EIF3E: variants seen among roughly 807,000 people sequenced by gnomAD.
EIF3E encodes the protein eukaryotic translation initiation factor 3 subunit E, also known as eIF-3 p48.
A neutral mutation model predicts 59.3 loss-of-function variants in EIF3E; 25 were observed. The ratio of observed to expected loss-of-function variants is 0.42; its 90% CI spans 0.31 to 0.59. The LOEUF (loss-of-function observed/expected upper bound fraction) is 0.59. EIF3E is among the 20% of genes least tolerant of loss of function. The pLI is 0.15. For synonymous variants in EIF3E, 176 were observed against 170.2 expected (o/e 1.03, Z -0.26); for missense variants, 317 against 534.3 (o/e 0.59, Z 4.01).
intron 1 of EIF3E, among the ~76,000 whole-genome samples, chr8:108,246,663 A>C (rs1266606243): frequency 1.3e-5 from 2 of 151,892 alleles, no homozygotes; most frequent in Non-Finnish European, 2.9e-5. Context: ...CTGACTTCCC[A>C]TCCACTTCCT....
At chr8:108,243,624 G>C (rs1451692769) in intron 1 of EIF3E, among the ~76,000 whole-genome samples, 2 of 100,900 alleles carry the variant, frequency 2.0e-5, no homozygotes, top group African/African-American at 8.3e-5. Context: ...GCAAGACTCT[G>C]TCTCAAAAAA....
In EIF3E at chr8:108,229,089, T is replaced by C; in HGVS notation, c.578A>G (p.Lys193Arg). ...DAAMEDLTRL[K>R]ETIDNNSVSS... ...ACTCACATTATTATCTATGGTCTCT[T>C]TTAACCGTGTAAGGTCTTCCATGGC... is the stretch of plus-strand genomic sequence containing the variant. Residue 193 changes from lysine (K) to arginine (R), a missense_variant, in exon 6 of 13, where the codon AAA (lysine) becomes AGA (arginine). This residue lies in a region of EIF3E where 242 missense variants were observed against 398.0 expected (regional missense o/e 0.61). Coordinates refer to ENST00000220849, the MANE Select transcript of EIF3E (RefSeq NM_001568.3). 1 of 1,610,098 alleles carries C rather than the reference T, an allele frequency of 6.2e-7. No individual in the cohort carries two copies. Among genetic ancestry groups the C allele is most frequent in the Non-Finnish European group, 8.5e-7 (1 of 1,178,180 alleles).
At chr8:108,242,054 A>T (rs1343374721) in intron 1 of EIF3E, 141 bp from the exon 2 acceptor site, 5 of 1,291,794 alleles carry the variant, frequency 3.9e-6, no homozygotes, top group Non-Finnish European at 5.2e-6. Flanking sequence ...CCCTCTTGTA[A>T]TAATGGCAAG....
At chr8:108,217,569 CTT>C in intron 7 of EIF3E, 109 bp from the exon 8 acceptor site, 2 of 833,044 alleles carry the variant, frequency 2.4e-6, no homozygotes, top group Non-Finnish European at 1.8e-6. Flanking sequence ...ACTGCAAACA[CTT>C]AAGAATGAGT....
intron 7 of EIF3E, among the ~76,000 whole-genome samples, chr8:108,218,787 T>TC (rs1036785058): frequency 2.1e-5 from 3 of 145,464 alleles, no homozygotes; most frequent in Middle Eastern, 7.1e-3. Flanking sequence ...TATTTCTTTT[T>TC]TTTTTTTTTT....
intron 5 of EIF3E, 104 bp downstream of exon 5, chr8:108,234,894 C>A: frequency 5.0e-6 from 3 of 600,938 alleles, no homozygotes. Context: ...CTGTTGAAAA[C>A]TTAATGAACA....
intron 5 of EIF3E, 174 bp from the exon 6 acceptor site, chr8:108,229,369 GC>G: frequency 1.8e-6 from 1 of 540,776 alleles, no homozygotes; most frequent in Middle Eastern, 3.6e-4. Context: ...AAAAACCTTT[GC>G]TAAAAATACT....
intron 9 of EIF3E, 82 bp from the exon 10 acceptor site, chr8:108,214,798 T>C: frequency 8.2e-7 from 1 of 1,221,588 alleles, no homozygotes; most frequent in Non-Finnish European, 1.2e-6. Flanking sequence ...ATCTGCTTTA[T>C]TTTTCCATTC....
intron 1 of EIF3E, 131 bp downstream of exon 1, chr8:108,248,482 A>C: frequency 1.3e-6 from 1 of 788,058 alleles, no homozygotes; most frequent in East Asian, 2.5e-5. Context: ...GAAGATCCTT[A>C]GTGTCCGTCC....
Position 108,201,411 on chromosome 8 carries a change from G to T in EIF3E, c.*474C>A, listed in dbSNP as rs947969174. ...ATGAGGAACAGATTAGTGGTTCCTA[G>T]GGTTAGAGTTGGTTGGGAGTAGGTA... On this transcript the variant is annotated 3_prime_UTR_variant, in exon 13 of 13. Coordinates refer to ENST00000220849, the MANE Select transcript of EIF3E (RefSeq NM_001568.3). 6.6e-6 allele frequency: 1 copy of T among 152,004 alleles called. No homozygotes were observed. Among genetic ancestry groups the T allele is most frequent in the Non-Finnish European group, 1.5e-5 (1 of 68,032 alleles). The allele number at this position is 152,004 out of a possible 1,614,324, so 9.4% of individuals were successfully genotyped here. A position where few individuals can be genotyped will look rare whatever the true frequency, so the allele number is the denominator to read the frequency against.
At chr8:108,235,423 G>C (rs1281793223) in intron 4 of EIF3E, among the ~76,000 whole-genome samples, 1 of 152,158 alleles carries the variant, frequency 6.6e-6, no homozygotes, top group African/African-American at 2.4e-5. Flanking sequence ...GTGCAACCTA[G>C]ATCCCTTGCA....
intron 1 of EIF3E, chr8:108,242,909 T>C (rs1387267271): frequency 6.5e-6 from 1 of 154,254 alleles, no homozygotes; most frequent in African/African-American, 2.4e-5. Context: ...ACCTATTCTC[T>C]TCTGGCAGGA....
intron 8 of EIF3E, 89 bp downstream of exon 8, chr8:108,217,245 C>T: frequency 2.8e-6 from 3 of 1,063,142 alleles, no homozygotes; most frequent in South Asian, 2.0e-5. Context: ...ACGTTTGTAC[C>T]TTAAGAACTA....
chr8:108,245,207 C>T (rs1042988235), intron 1 of EIF3E, among the ~76,000 whole-genome samples: 1 of 151,812 alleles, frequency 6.6e-6, no homozygotes, highest in African/African-American at 2.4e-5. Context: ...TGGCTCATGT[C>T]TGTAATCCCA....
At chr8:108,224,444 G>A (rs970991426) in intron 7 of EIF3E, among the ~76,000 whole-genome samples, 2 of 151,344 alleles carry the variant, frequency 1.3e-5, no homozygotes, top group Non-Finnish European at 2.9e-5. Flanking sequence ...CCCACTTCAA[G>A]AATATGAAGT....
At position 108,234,994 on chromosome 8, in the gene EIF3E, T is replaced by G; in HGVS notation, c.471+4A>C. On this transcript the variant is annotated splice_donor_region_variant and intron_variant, in intron 5 of 12. Coordinates refer to ENST00000220849, the MANE Select transcript of EIF3E (RefSeq NM_001568.3). ...AAAAAAAAAAAACATGTACTTATAC[T>G]TACCAGCACTCTAAAAAAATAAAGA... The G allele has an allele frequency of 6.9e-7, 1 of 1,448,688 alleles. No individual in the cohort carries two copies. The highest frequency in any genetic ancestry group is 9.5e-7 in the Non-Finnish European group (1 of 1,054,626). The allele number at this position is 1,448,688 out of a possible 1,614,324, so 89.7% of individuals were successfully genotyped here.
chr8:108,217,241 G>A (rs1008798370), intron 8 of EIF3E, 93 bp downstream of exon 8: 4 of 1,010,670 alleles, frequency 4.0e-6, no homozygotes, highest in Non-Finnish European at 5.5e-6. Flanking sequence ...AAAAACGTTT[G>A]TACCTTAAGA....
intron 10 of EIF3E, among the ~76,000 whole-genome samples, chr8:108,204,310 C>T (rs1248495590): frequency 6.6e-6 from 1 of 151,992 alleles, no homozygotes; most frequent in African/African-American, 2.4e-5. Context: ...ACGTGCCCAT[C>T]AACTAATGAG....
In EIF3E at chr8:108,206,985, G is replaced by C. The variant is rs145040027; in HGVS notation, c.1062-3482C>G. ...TATCTTACTTTGTGGATCTTTGTTT[G>C]CACTGTGCTTGTTGATCTTTTATTT... On this transcript the variant is annotated intron_variant, in intron 10 of 12. Transcript: ENST00000220849. Among the ~76,000 whole-genome samples, 1,344 of 152,198 alleles carry C rather than the reference G, an allele frequency of 8.8e-3. 11 individuals carry two copies. Among genetic ancestry groups the C allele is most frequent in the Non-Finnish European group, 0.013 (894 of 67,996 alleles).
Sources: allele counts gnomAD v4.1 joint callset (sites outside exome capture counted in the v4.1 genomes callset), GRCh38; gene constraint gnomAD v4.1.1; regional missense constraint gnomAD v4.1.1; transcripts MANE v1.5; gene names NCBI Gene and HGNC (gene_info 2026-07-23, HGNC 2026-07-21).